The following CADM2 variants were observed in gnomAD, a reference collection of about 807,000 sequenced individuals.
CADM2 encodes the protein cell adhesion molecule 2.
CADM2 carries 12 observed loss-of-function variants against 49.8 expected under a neutral mutation model. The observed-to-expected ratio is 0.24, with a 90% CI of 0.15 to 0.39. The LOEUF is 0.39. Ranked by LOEUF, CADM2 falls within the 10% of genes least tolerant of loss-of-function variation. The probability of loss-of-function intolerance (pLI) is 1.00; values close to 1 mark genes in which losing one functional copy is unlikely to be tolerated. For missense variants in CADM2, 378 were observed against 492.3 expected (o/e 0.77, Z 2.20); for synonymous variants, 214 against 175.4 (o/e 1.22, Z -1.74).
intron 1 of CADM2, among the ~76,000 whole-genome samples, chr3:85,308,089 A>G (rs1175944196): frequency 6.6e-6 from 1 of 151,818 alleles, no homozygotes; most frequent in Non-Finnish European, 1.5e-5. Flanking sequence ...ACGATTCAGT[A>G]ACTGCATTTA....
intron 1 of CADM2, among the ~76,000 whole-genome samples, chr3:85,235,561 T>C (rs1468357924): frequency 6.6e-6 from 1 of 152,144 alleles, no homozygotes; most frequent in East Asian, 1.9e-4. Flanking sequence ...TTTATCTTAA[T>C]TTTATAATTT....
chr3:85,650,079 T>A (rs1242641185), intron 1 of CADM2, among the ~76,000 whole-genome samples: 2 of 152,176 alleles, frequency 1.3e-5, no homozygotes, highest in Non-Finnish European at 2.9e-5. Flanking sequence ...TGGTCATTTT[T>A]TTGTGGCTAC....
intron 1 of CADM2, among the ~76,000 whole-genome samples, chr3:85,276,205 C>T (rs971061198): frequency 8.6e-5 from 13 of 151,228 alleles, no homozygotes; most frequent in African/African-American, 2.9e-4. Context: ...ATCACAATTC[C>T]TTTGACCTCA....
intron 1 of CADM2, among the ~76,000 whole-genome samples, chr3:85,558,121 G>T (rs1221845560): frequency 6.6e-6 from 1 of 152,012 alleles, no homozygotes; most frequent in Admixed American, 6.6e-5. Flanking sequence ...GAGTGTGTGT[G>T]TGTGTAAGAG....
chr3:84,968,224 A>G (rs961203417), intron 1 of CADM2, among the ~76,000 whole-genome samples: 1 of 151,954 alleles, frequency 6.6e-6, no homozygotes, highest in Non-Finnish European at 1.5e-5. Context: ...TTCAAGAATC[A>G]ACTTTTCTAT....
chr3:85,226,651 A>T (rs1576162952), intron 1 of CADM2, among the ~76,000 whole-genome samples: 1 of 149,390 alleles, frequency 6.7e-6, no homozygotes, highest in South Asian at 2.1e-4. Flanking sequence ...GATCTTAGTT[A>T]TTTCTTGCCT....
chr3:85,708,458 T>C (rs2067015712), intron 1 of CADM2, among the ~76,000 whole-genome samples: 1 of 152,130 alleles, frequency 6.6e-6, no homozygotes, highest in Admixed American at 6.6e-5. Context: ...GTCTTTAGTT[T>C]GTGATTGCTA....
chr3:85,819,445 G>T (rs555475065), intron 3 of CADM2, among the ~76,000 whole-genome samples: 91 of 152,288 alleles, frequency 6.0e-4, no homozygotes, highest in African/African-American at 2.2e-3. Context: ...TTTAAGGCAA[G>T]AAATTTACTG....
chr3:85,476,647 G>C (rs2038987507), intron 1 of CADM2, among the ~76,000 whole-genome samples: 1 of 151,900 alleles, frequency 6.6e-6, no homozygotes, highest in South Asian at 2.1e-4. Flanking sequence ...CGCTCAACCT[G>C]TTAAAAGTCT....
At chr3:85,239,351 T>G (rs1450906234) in intron 1 of CADM2, among the ~76,000 whole-genome samples, 1 of 151,756 alleles carries the variant, frequency 6.6e-6, no homozygotes, top group Non-Finnish European at 1.5e-5. Context: ...TATTGGTTAT[T>G]TCAAACTAAA....
intron 1 of CADM2, among the ~76,000 whole-genome samples, chr3:85,677,247 TG>T (rs376271306): frequency 5.3e-5 from 8 of 152,326 alleles, no homozygotes; most frequent in African/African-American, 1.9e-4. Context: ...CTGAATCATT[TG>T]ATAAGTCAGG....
chr3:85,104,241 G>T (rs1415662025), intron 1 of CADM2, among the ~76,000 whole-genome samples: 3 of 151,302 alleles, frequency 2.0e-5, no homozygotes, highest in South Asian at 4.2e-4. Context: ...GTAAGGAAGG[G>T]ATCCAGTTTC....
At chr3:85,003,683 A>G (rs560764960) in intron 1 of CADM2, among the ~76,000 whole-genome samples, 2 of 152,268 alleles carry the variant, frequency 1.3e-5, no homozygotes, top group South Asian at 4.1e-4. Context: ...TTGTGCAATA[A>G]GAAAGGATTC....
At chr3:85,653,287 G>C (rs1363935026) in intron 1 of CADM2, among the ~76,000 whole-genome samples, 1 of 148,626 alleles carries the variant, frequency 6.7e-6, no homozygotes, top group South Asian at 2.2e-4. Context: ...AGAGAGTAGA[G>C]TTAGGAAGAC....
chr3:85,113,760 T>C (rs1311201995), intron 1 of CADM2, among the ~76,000 whole-genome samples: 2 of 150,770 alleles, frequency 1.3e-5, no homozygotes, highest in African/African-American at 4.9e-5. Flanking sequence ...TTCCAGTACA[T>C]ACTATTGTGG....
At chr3:85,359,677 T>TTTTTTTTTGG (rs2032207625) in intron 1 of CADM2, among the ~76,000 whole-genome samples, 1 of 128,016 alleles carries the variant, frequency 7.8e-6, no homozygotes, top group Non-Finnish European at 1.7e-5. Flanking sequence ...TTTTTTTTTT[T>TTTTTTTTTGG]GGTGGAGGGG....
At chr3:85,673,919 C>T (rs2065819974) in intron 1 of CADM2, among the ~76,000 whole-genome samples, 1 of 151,970 alleles carries the variant, frequency 6.6e-6, no homozygotes, top group Admixed American at 6.6e-5. Flanking sequence ...AAATTTTAAC[C>T]AGAAAATCCA....
At chr3:85,514,670 A>G (rs2060850574) in intron 1 of CADM2, among the ~76,000 whole-genome samples, 1 of 152,116 alleles carries the variant, frequency 6.6e-6, no homozygotes, top group Non-Finnish European at 1.5e-5. Context: ...AATATGAACA[A>G]TTTGAGGCTA....
At chr3:85,296,918 G>A (rs72919301) in intron 1 of CADM2, among the ~76,000 whole-genome samples, 10,346 of 152,082 alleles carry the variant, frequency 0.068, 1,147 homozygotes, top group African/African-American at 0.23. Flanking sequence ...CTAAAATAGA[G>A]TATGTTTTTT....
Sources: allele counts gnomAD v4.1 joint callset (sites outside exome capture counted in the v4.1 genomes callset), GRCh38; gene constraint gnomAD v4.1.1; transcripts MANE v1.5; gene names NCBI Gene and HGNC (gene_info 2026-07-23, HGNC 2026-07-21).